Variants in ZNF738 observed in about 807,000 individuals in gnomAD.
The protein encoded by ZNF738 is protein ZNF738.
In ZNF738, 10 loss-of-function variants were observed where a neutral mutation model predicts 9.2. The ratio of observed to expected loss-of-function variants is 1.09; its 90% CI spans 0.67 to 1.85. The LOEUF (loss-of-function observed/expected upper bound fraction) is 1.85. Ranked by LOEUF, ZNF738 falls within the 40% of genes most tolerant of loss-of-function variation. The probability of loss-of-function intolerance (pLI) is 0.00; values close to 1 mark genes in which losing one functional copy is unlikely to be tolerated. For synonymous variants in ZNF738, 113 were observed against 94.5 expected (o/e 1.20, Z -1.14); for missense variants, 346 against 283.6 (o/e 1.22, Z -1.58).
chr19:21,382,989 G>C lies in ZNF738; in HGVS notation c.443G>C (p.Cys148Ser). 2 of 700,504 alleles carry C rather than the reference G, an allele frequency of 2.9e-6. No individual in the cohort carries two copies. The highest frequency in any genetic ancestry group is 5.3e-6 in the Non-Finnish European group (2 of 378,764). 43.4% of individuals were successfully genotyped at this position (700,504 alleles called of 1,614,324 possible). A position where few individuals can be genotyped will look rare whatever the true frequency, so the allele number is the denominator to read the frequency against. ...AAAGATTTACAGTTAAGAAAAGGCTGTAAAAGTGTGAATGAGTGTAATGTG... is the reference window on the plus strand; with the variant it reads ...AAAGATTTACAGTTAAGAAAAGGCTCTAAAAGTGTGAATGAGTGTAATGTG... ...GHKDLQLRKG[C>S]KSVNECNVQK... The change falls in exon 5 of 5, where the codon TGT (cysteine) becomes TCT (serine). Residue 148 changes from cysteine to serine, a missense_variant. By Grantham distance (112) the Cys-to-Ser change is moderately radical. Transcript: ENST00000683779.
intron 4 of ZNF738, among the ~76,000 whole-genome samples, chr19:21,380,006 C>T (rs754364014): frequency 6.6e-6 from 1 of 152,060 alleles, no homozygotes; most frequent in Non-Finnish European, 1.5e-5. Context: ...ACAAAAGGAA[C>T]ACTTATTAAG....
rs1974041167 is a variant in ZNF738 at position 21,384,294 on chromosome 19, A to G, written c.*620A>G. 6.6e-6 allele frequency among the ~76,000 whole-genome samples: 1 copy of G among 152,140 alleles called. No individual in the cohort carries two copies. Among genetic ancestry groups the G allele is most frequent in the Middle Eastern group, 3.2e-3 (1 of 316 alleles). Reference sequence around the variant, plus strand: ...AGCCTTTAGTGTATTCTCAACCCTTACTAAACATAAGATAATTCATACTGG... The same window carrying G: ...AGCCTTTAGTGTATTCTCAACCCTTGCTAAACATAAGATAATTCATACTGG... On this transcript the variant is annotated 3_prime_UTR_variant, in exon 5 of 5. Coordinates refer to ENST00000683779, the MANE Select transcript of ZNF738 (RefSeq NM_001355237.2).
At chr19:21,361,672 C>T (rs1973695486) in intron 1 of ZNF738, 94 bp from the exon 2 acceptor site, 2 of 723,990 alleles carry the variant, frequency 2.8e-6, no homozygotes, top group Admixed American at 1.9e-5. Flanking sequence ...TCCTGGGTTT[C>T]AGTATTATCT....
At position 21,383,352 on chromosome 19, in the gene ZNF738, T is replaced by C. The variant is rs1004668693; in HGVS notation, c.806T>C (p.Phe269Ser). ...AAACATGAAGAATGTGGAAAAGGTT[T>C]TAACCACTCCACAACTCTTACTAGA... is the stretch of plus-strand genomic sequence containing the variant. The part of the protein sequence containing the change: ...SYKHEECGKG[F>S]NHSTTLTRHK... Residue 269 changes from phenylalanine (F) to serine (S), a missense_variant, in exon 5 of 5, where the codon TTT (phenylalanine) becomes TCT (serine). By Grantham distance (155) the Phe-to-Ser change is radical (BLOSUM62 -2). Coordinates refer to ENST00000683779, the MANE Select transcript of ZNF738 (RefSeq NM_001355237.2). 6 of 1,201,470 alleles carry C rather than the reference T, an allele frequency of 5.0e-6. No homozygotes were observed. Among genetic ancestry groups the C allele is most frequent in the Non-Finnish European group, 7.2e-6 (6 of 827,934 alleles). 74.4% of individuals were successfully genotyped at this position (1,201,470 alleles called of 1,614,324 possible).
At chr19:21,371,640 A>G (rs931820735) in intron 2 of ZNF738, among the ~76,000 whole-genome samples, 1 of 152,212 alleles carries the variant, frequency 6.6e-6, no homozygotes, top group African/African-American at 2.4e-5. Context: ...AACTGGATAC[A>G]TGGTTGAATT....
At chr19:21,366,081 A>T (rs1973773661) in intron 2 of ZNF738, among the ~76,000 whole-genome samples, 1 of 152,158 alleles carries the variant, frequency 6.6e-6, no homozygotes, top group East Asian at 1.9e-4. Flanking sequence ...TCGTTTCCAG[A>T]AGTCCTGTCA....
intron 2 of ZNF738, among the ~76,000 whole-genome samples, chr19:21,362,623 A>G (rs1277661233): frequency 6.6e-6 from 1 of 152,238 alleles, no homozygotes; most frequent in African/African-American, 2.4e-5. Flanking sequence ...CCTGTTTTTT[A>G]GCTGTAAGGT....
rs950747890 is a variant in ZNF738, at chr19:21,388,444, T to A, written c.*4770T>A. Among the ~76,000 whole-genome samples, 1 of 152,208 alleles carries A rather than the reference T, an allele frequency of 6.6e-6. No homozygotes were observed. Among genetic ancestry groups the A allele is most frequent in the Non-Finnish European group, 1.5e-5 (1 of 68,016 alleles). The stretch of plus-strand genomic sequence containing the variant: ...GGAGAGGTTCTTTGTGGTTAACTTA[T>A]ACTCTTGAGTGATATATGAGGTAGG... On this transcript the variant is annotated 3_prime_UTR_variant, in exon 5 of 5. Coordinates refer to ENST00000683779, the MANE Select transcript of ZNF738 (RefSeq NM_001355237.2).
In ZNF738 at chr19:21,388,448, CTT is replaced by C. The variant is rs1974093519; in HGVS notation, c.*4775_*4776del. On this transcript the variant is annotated 3_prime_UTR_variant, in exon 5 of 5. Transcript: ENST00000683779. ...AGGTTCTTTGTGGTTAACTTATACT[CTT>C]GAGTGATATATGAGGTAGGTGTTAA... 6.6e-6 allele frequency among the ~76,000 whole-genome samples: 1 copy of C among 152,140 alleles called. No homozygotes were observed. Among genetic ancestry groups the C allele is most frequent in the African/African-American group, 2.4e-5 (1 of 41,508 alleles).
chr19:21,369,319 C>T (rs1973826683), intron 2 of ZNF738, among the ~76,000 whole-genome samples: 1 of 152,108 alleles, frequency 6.6e-6, no homozygotes, highest in South Asian at 2.1e-4. Flanking sequence ...CCATGTTGCC[C>T]AGGCTGGTCT....
Position 21,383,706 on chromosome 19 carries a change from T to C in ZNF738, c.*32T>C. On this transcript the variant is annotated 3_prime_UTR_variant, in exon 5 of 5. Coordinates refer to ENST00000683779, the MANE Select transcript of ZNF738 (RefSeq NM_001355237.2). ...AAAGCCTTTAATGTATTCGCAACCC[T>C]TACTAGACATAAGATAATTCATACT... is the stretch of plus-strand genomic sequence containing the variant. The C allele has an allele frequency of 9.8e-7, 1 of 1,021,318 alleles. No individual in the cohort carries two copies. The allele number at this position is 1,021,318 out of a possible 1,614,324, so 63.3% of individuals were successfully genotyped here. A position where few individuals can be genotyped will look rare whatever the true frequency, so the allele number is the denominator to read the frequency against.
Position 21,383,396 on chromosome 19 carries a change from GGAGAGAAA to G in ZNF738, c.851_858del (p.Gly284AlafsTer5). The stretch of plus-strand genomic sequence containing the variant: ...TACTAGACATAAGGTAATTCATGCT[GGAGAGAAA>G]CACTACAAATGTGAAAAATGTGGCA... On this transcript the variant is annotated frameshift_variant, in exon 5 of 5. Coordinates refer to ENST00000683779, the MANE Select transcript of ZNF738 (RefSeq NM_001355237.2). LOFTEE classifies it low-confidence loss of function (END_TRUNC). 9 of 596,330 alleles carry G rather than the reference GGAGAGAAA, an allele frequency of 1.5e-5. No homozygotes were observed. Among genetic ancestry groups the G allele is most frequent in the Non-Finnish European group, 5.7e-6 (2 of 352,646 alleles). The allele number at this position is 596,330 out of a possible 1,614,324, so 36.9% of individuals were successfully genotyped here.
Position 21,375,229 on chromosome 19 carries a change from G to T in ZNF738, c.97-9G>T. 9.1e-6 allele frequency: 10 copies of T among 1,103,186 alleles called. No homozygotes were observed. Among genetic ancestry groups the T allele is most frequent in the Non-Finnish European group, 1.4e-5 (10 of 730,174 alleles). The allele number at this position is 1,103,186 out of a possible 1,614,324, so 68.3% of individuals were successfully genotyped here. The stretch of plus-strand genomic sequence containing the variant: ...CTTGTAAATATGTGTGTGTGTGTGT[G>T]TTTTTCAGGGGCCGTTGACATTTAG... On this transcript the variant is annotated splice_polypyrimidine_tract_variant and intron_variant, in intron 2 of 4. Transcript: ENST00000683779.
Position 21,359,054 on chromosome 19 carries a change from G to A in ZNF738, c.-87G>A. On this transcript the variant is annotated 5_prime_UTR_variant, in exon 1 of 5. Transcript: ENST00000683779. ...TCGTCTTCACTGCTCTGTGTCCTCTGCTCCTAGAGGCCCAGCCTCTGGTCC... is the reference window on the plus strand; with the variant it reads ...TCGTCTTCACTGCTCTGTGTCCTCTACTCCTAGAGGCCCAGCCTCTGGTCC... 1.2e-6 allele frequency: 1 copy of A among 852,210 alleles called. No homozygotes were observed. The allele number at this position is 852,210 out of a possible 1,614,324, so 52.8% of individuals were successfully genotyped here.
chr19:21,365,517 C>T (rs935237296), intron 2 of ZNF738, among the ~76,000 whole-genome samples: 3 of 152,010 alleles, frequency 2.0e-5, no homozygotes, highest in African/African-American at 4.8e-5. Flanking sequence ...TGTATAGGGG[C>T]GATGATATTC....
At chr19:21,362,976 A>C (rs1973719550) in intron 2 of ZNF738, among the ~76,000 whole-genome samples, 1 of 152,112 alleles carries the variant, frequency 6.6e-6, no homozygotes, top group South Asian at 2.1e-4. Context: ...TTTTTTTGGC[A>C]GGGTAAATTT....
intron 2 of ZNF738, among the ~76,000 whole-genome samples, chr19:21,363,464 C>T (rs2145218447): frequency 6.6e-6 from 1 of 152,260 alleles, no homozygotes; most frequent in African/African-American, 2.4e-5. Flanking sequence ...AGCTAGAGTC[C>T]TGGAAAGCTA....
At chr19:21,364,279 A>G (rs1973745099) in intron 2 of ZNF738, among the ~76,000 whole-genome samples, 1 of 151,868 alleles carries the variant, frequency 6.6e-6, no homozygotes, top group African/African-American at 2.4e-5. Context: ...AATTTTAGGT[A>G]GACAAGGGCT....
intron 2 of ZNF738, among the ~76,000 whole-genome samples, chr19:21,362,835 T>C (rs1236023285): frequency 6.6e-6 from 1 of 152,218 alleles, no homozygotes; most frequent in Non-Finnish European, 1.5e-5. Context: ...AGCTTAGCTT[T>C]CAGAATGCTA....
Sources: allele counts gnomAD v4.1 joint callset (sites outside exome capture counted in the v4.1 genomes callset), GRCh38; gene constraint gnomAD v4.1.1; transcripts MANE v1.5; gene names NCBI Gene and HGNC (gene_info 2026-07-23, HGNC 2026-07-21).